The following TRIM71 variants were observed in gnomAD, a reference collection of about 807,000 sequenced individuals.
TRIM71 encodes the protein tripartite motif containing 71.
In TRIM71, 9 loss-of-function variants were observed where a neutral mutation model predicts 61.2. The observed-to-expected ratio is 0.15, with a 90% CI of 0.09 to 0.26. The LOEUF (loss-of-function observed/expected upper bound fraction) is 0.26, where lower values mean the gene tolerates loss of function less well. Ranked by LOEUF, TRIM71 falls within the 10% of genes least tolerant of loss-of-function variation. The pLI, the probability that TRIM71 is intolerant of heterozygous loss-of-function variation, is 1.00. For synonymous variants in TRIM71, 645 were observed against 553.2 expected, an observed-to-expected ratio of 1.17 and a Z score of -2.33; for missense variants, 998 against 1,238.7, an observed-to-expected ratio of 0.81 and a Z score of 2.92.
chr3:32,891,136 C>T lies in TRIM71; in HGVS notation c.1932C>T (p.Gly644=), dbSNP rs1697020215. ...GCGGCGCCTTCCACCACAAATTCGGCACCCTGGGCTCCCGGCCTGGGCAGT... is the reference window on the plus strand; with the variant it reads ...GCGGCGCCTTCCACCACAAATTCGGTACCCTGGGCTCCCGGCCTGGGCAGT... The part of the protein sequence containing the change: ...KPCGAFHHKF[G]TLGSRPGQFD... Residue 644 remains glycine, a synonymous_variant, in exon 4 of 4, where the codon GGC becomes GGT. Coordinates refer to ENST00000383763, the MANE Select transcript of TRIM71 (RefSeq NM_001039111.3). The surrounding 1 kb of genome is among the most constrained non-coding windows in gnomAD (Gnocchi z 8.2). 1 of 1,612,488 alleles carries T rather than the reference C, an allele frequency of 6.2e-7. No homozygotes were observed. The highest frequency in any genetic ancestry group is 8.5e-7 in the Non-Finnish European group (1 of 1,179,998).
chr3:32,863,195 C>CTTTTTT (rs11348995), intron 1 of TRIM71, among the ~76,000 whole-genome samples: 3 of 53,718 alleles, frequency 5.6e-5, no homozygotes, highest in East Asian at 6.8e-4. Flanking sequence ...TTAATTGAAC[C>CTTTTTT]TTTTTTTTTT....
chr3:32,866,593 G>A (rs1010376854), intron 1 of TRIM71, among the ~76,000 whole-genome samples: 1 of 152,178 alleles, frequency 6.6e-6, no homozygotes, highest in African/African-American at 2.4e-5. Flanking sequence ...AGACATGGTG[G>A]TGTGCTACTG....
intron 1 of TRIM71, among the ~76,000 whole-genome samples, chr3:32,847,284 C>T (rs567720696): frequency 2.8e-4 from 43 of 151,520 alleles, no homozygotes; most frequent in African/African-American, 1.0e-3. Context: ...GCAACCTCCG[C>T]GTCCCGGGTC....
At chr3:32,826,153 A>G (rs561095185) in intron 1 of TRIM71, among the ~76,000 whole-genome samples, 26 of 152,230 alleles carry the variant, frequency 1.7e-4, no homozygotes, top group Non-Finnish European at 2.9e-4. Flanking sequence ...GAAATGGGGG[A>G]AGATCCCACT....
intron 1 of TRIM71, among the ~76,000 whole-genome samples, chr3:32,837,289 G>GCCA (rs1241933887): frequency 6.6e-6 from 1 of 152,108 alleles, no homozygotes; most frequent in African/African-American, 2.4e-5. Flanking sequence ...ATATGTCTGT[G>GCCA]CCACCACCAC....
intron 1 of TRIM71, among the ~76,000 whole-genome samples, chr3:32,841,849 G>T (rs1044364139): frequency 2.0e-5 from 3 of 152,016 alleles, no homozygotes; most frequent in African/African-American, 7.2e-5. Context: ...AAAAATTTCT[G>T]TAGTGACAGG....
chr3:32,888,171 A>G (rs1182312869), intron 3 of TRIM71, among the ~76,000 whole-genome samples: 2 of 152,210 alleles, frequency 1.3e-5, no homozygotes, highest in African/African-American at 2.4e-5. Flanking sequence ...CATATATATT[A>G]TAGCATTTTA....
At chr3:32,862,489 C>T (rs565106373) in intron 1 of TRIM71, among the ~76,000 whole-genome samples, 21 of 152,288 alleles carry the variant, frequency 1.4e-4, no homozygotes, top group African/African-American at 4.8e-4. Context: ...CACTGTTGCC[C>T]GCTGTTTAAG....
intron 3 of TRIM71, 55 bp downstream of exon 3, chr3:32,886,123 C>T: frequency 6.4e-7 from 1 of 1,570,038 alleles, no homozygotes; most frequent in South Asian, 1.2e-5. Flanking sequence ...CCATGAACCT[C>T]AGCAGCACTC....
chr3:32,830,084 C>T (rs1055797327), intron 1 of TRIM71, among the ~76,000 whole-genome samples: 2 of 151,822 alleles, frequency 1.3e-5, no homozygotes, highest in Non-Finnish European at 2.9e-5. Flanking sequence ...CCACCGTGCC[C>T]GGGTAATTTT....
intron 1 of TRIM71, among the ~76,000 whole-genome samples, chr3:32,829,950 A>G (rs1696251298): frequency 8.6e-6 from 1 of 115,774 alleles, no homozygotes; most frequent in African/African-American, 3.4e-5. Flanking sequence ...TTTTTTCGAG[A>G]TGGAGTCTTG....
At chr3:32,878,196 C>T (rs1286916040) in intron 2 of TRIM71, among the ~76,000 whole-genome samples, 5 of 152,382 alleles carry the variant, frequency 3.3e-5, no homozygotes, top group Admixed American at 6.5e-5. Context: ...AAACAACTTT[C>T]GTGTCCTTGT....
In TRIM71 at chr3:32,818,946, GGCGTGTGTTTGTGTCCATCGGATAACT is replaced by G. The variant is rs749701110; in HGVS notation, c.852+23_852+49del. 1.2e-6 allele frequency: 2 copies of G among 1,609,912 alleles called. No homozygotes were observed. Among genetic ancestry groups the G allele is most frequent in the Non-Finnish European group, 1.7e-6 (2 of 1,179,120 alleles). On this transcript the variant is annotated intron_variant, in intron 1 of 3. Transcript: ENST00000383763. ...CACGACGACGAGGTGAGTGCGTGGG[GGCGTGTGTTTGTGTCCATCGGATAACT>G]GCGTGTGTGCTCAACAGCGTTTCCC...
chr3:32,880,840 T>C (rs528090685), intron 2 of TRIM71, among the ~76,000 whole-genome samples: 2 of 152,324 alleles, frequency 1.3e-5, no homozygotes, highest in East Asian at 1.9e-4. Context: ...TCAGGAATAG[T>C]TGGTTTCTAC....
At chr3:32,849,362 T>G (rs995444271) in intron 1 of TRIM71, among the ~76,000 whole-genome samples, 2 of 148,952 alleles carry the variant, frequency 1.3e-5, no homozygotes, top group Admixed American at 6.7e-5. Flanking sequence ...GTTTTTTTGG[T>G]TTTTTTTTTC....
In TRIM71 at chr3:32,892,959, G is replaced by A. The variant is rs981462738; in HGVS notation, c.*1148G>A. 4 of 152,194 alleles carry A rather than the reference G, an allele frequency of 2.6e-5. No homozygotes were observed. The highest frequency in any genetic ancestry group is 9.7e-5 in the African/African-American group (4 of 41,444). 9.4% of individuals were successfully genotyped at this position (152,194 alleles called of 1,614,324 possible). On this transcript the variant is annotated 3_prime_UTR_variant, in exon 4 of 4. Coordinates refer to ENST00000383763, the MANE Select transcript of TRIM71 (RefSeq NM_001039111.3). Reference sequence around the variant, plus strand: ...GGTCTGCCCTGACCCGCGAGTGCATGTTGTTCTGTAGTGCTAGGGGTTTCT... The same window carrying A: ...GGTCTGCCCTGACCCGCGAGTGCATATTGTTCTGTAGTGCTAGGGGTTTCT...
At chr3:32,846,650 A>G (rs1575347371) in intron 1 of TRIM71, among the ~76,000 whole-genome samples, 1 of 82,276 alleles carries the variant, frequency 1.2e-5, no homozygotes, top group Non-Finnish European at 2.4e-5. Context: ...CCTCCCCTGC[A>G]CCCACCCCTG....
chr3:32,838,018 A>G (rs1455113977), intron 1 of TRIM71, among the ~76,000 whole-genome samples: 1 of 152,142 alleles, frequency 6.6e-6, no homozygotes, highest in African/African-American at 2.4e-5. Context: ...ATTTTGCTCA[A>G]TCAACACACT....
intron 1 of TRIM71, among the ~76,000 whole-genome samples, chr3:32,835,773 AAT>A (rs1374789000): frequency 2.6e-5 from 4 of 152,196 alleles, no homozygotes; most frequent in Non-Finnish European, 4.4e-5. Context: ...AATTATAAGT[AAT>A]ATATAAACCT....
Sources: gnomAD v4.1 joint callset for allele counts (sites outside exome capture counted in the v4.1 genomes callset) on GRCh38, gnomAD v4.1.1 for gene constraint, Gnocchi (gnomAD v3.1) non-coding constraint, MANE v1.5 for transcripts, NCBI Gene and HGNC (gene_info 2026-07-23, HGNC 2026-07-21) for gene names.